TRO: variants seen among roughly 807,000 people sequenced by gnomAD.
TRO encodes MAGE superfamily protein.
Under a neutral mutation model 42.3 loss-of-function variants are expected in TRO, and 29 were observed. That is an observed-to-expected ratio of 0.68 (90% confidence interval 0.51 to 0.93). The LOEUF is 0.93. Among genes scored for constraint, TRO ranks in the 40% least tolerant of loss-of-function variants. The pLI is 0.00. For synonymous variants in TRO, 384 were observed against 425.2 expected (o/e 0.90, Z 1.19); for missense variants, 963 against 1,127.7 (o/e 0.85, Z 2.09).
intron 10 of TRO, 197 bp from the exon 11 acceptor site, chrX:54,927,470 A>C (rs1428339876): frequency 2.5e-5 from 11 of 446,159 alleles, no homozygotes; most frequent in Non-Finnish European, 4.3e-5. Flanking sequence ...TGCTTTGCAC[A>C]GGGCCAGTGG....
intron 12 of TRO, 61 bp downstream of exon 12, chrX:54,931,092 T>C (rs992143705): frequency 8.5e-7 from 1 of 1,175,100 alleles, no homozygotes; most frequent in Non-Finnish European, 1.1e-6. Flanking sequence ...TGGGAGATGT[T>C]GTAAGAAACA....
intron 1 of TRO, chrX:54,921,177 G>A (rs902393605): frequency 1.8e-5 from 2 of 110,591 alleles, no homozygotes; most frequent in African/African-American, 6.6e-5. Context: ...TCCTTCAGAC[G>A]GTAGCAAGAG....
At position 54,929,531 on chromosome X, in the gene TRO, G is replaced by A; in HGVS notation, c.2807G>A (p.Ser936Asn). 6.6e-6 allele frequency: 8 copies of A among 1,212,168 alleles called. No individual in the cohort carries two copies. Among genetic ancestry groups the A allele is most frequent in the Non-Finnish European group, 8.9e-6 (8 of 895,583 alleles). Residue 936 changes from serine (S) to asparagine (N), a missense_variant, in exon 12 of 13, where the codon AGT becomes AAT. Transcript: ENST00000173898. ...GGCTTTGGAGGCACACTTAGCACCA[G>A]TGTCTCCTTTGGTGGCTCTTCCAGC... Reference protein sequence around the residue: ...STGFGGTLSTSVSFGGSSSTS... With the variant: ...STGFGGTLSTNVSFGGSSSTS...
In TRO at chrX:54,930,826, A is replaced by G. The variant is rs1451197327; in HGVS notation, c.4102A>G (p.Ser1368Gly). Residue 1368 changes from serine (S) to glycine (G), a missense_variant, in exon 12 of 13, where the codon AGC becomes GGC. Ser to Gly is a moderately conservative substitution (Grantham distance 56). Coordinates refer to ENST00000173898, the MANE Select transcript of TRO (RefSeq NM_001039705.3). ...SSGPSSIVGF[S>G]GGPSTGVGFC... ...TGGACCCAGTTCTATTGTTGGCTTC[A>G]GCGGTGGACCAAGCACTGGTGTTGG... The G allele has an allele frequency of 8.3e-7, 1 of 1,209,869 alleles. No homozygotes were observed. The highest frequency in any genetic ancestry group is 3.0e-5 in the East Asian group (1 of 33,753).
At chrX:54,921,403 A>G (rs962590081) in intron 1 of TRO, 1 of 110,606 alleles carries the variant, frequency 9.0e-6, no homozygotes, top group Non-Finnish European at 1.9e-5. Context: ...TTGAAAGGGA[A>G]GAGACAGGAC....
In TRO at chrX:54,929,605, G is replaced by A; in HGVS notation, c.2881G>A (p.Gly961Ser). 8.3e-7 allele frequency: 1 copy of A among 1,211,292 alleles called. No homozygotes were observed. The highest frequency in any genetic ancestry group is 1.1e-6 in the Non-Finnish European group (1 of 895,220). The change falls in exon 12 of 13, where the codon GGC becomes AGC. Residue 961 changes from glycine (G) to serine (S), a missense_variant. Physicochemically the swap from Gly to Ser is moderately conservative, Grantham distance 56. Coordinates refer to ENST00000173898, the MANE Select transcript of TRO (RefSeq NM_001039705.3). ...GTLSTSICFD[G>S]SPSTGAGFGG... Reference sequence around the variant, plus strand: ...ACTAAGTACCAGCATCTGCTTTGATGGCTCTCCCAGCACTGGTGCTGGCTT... The same window carrying A: ...ACTAAGTACCAGCATCTGCTTTGATAGCTCTCCCAGCACTGGTGCTGGCTT...
intron 6 of TRO, among the ~76,000 whole-genome samples, 185 bp from the exon 7 acceptor site, chrX:54,925,407 A>G (rs1227101115): frequency 1.8e-5 from 2 of 112,059 alleles, no homozygotes; most frequent in East Asian, 2.8e-4. Flanking sequence ...GTTGATGACA[A>G]TAGTACATTT....
Position 54,928,750 on chromosome X carries a change from G to A in TRO, c.2026G>A (p.Gly676Arg). ...QMGIGEEAVA[G>R]PWNWDDMDID... ...GGGGATTGGAGAGGAAGCTGTGGCTGGGCCCTGGAATTGGGATGACATGGA... is the reference window on the plus strand; with the variant it reads ...GGGGATTGGAGAGGAAGCTGTGGCTAGGCCCTGGAATTGGGATGACATGGA... The change falls in exon 12 of 13, where the codon GGG (glycine) becomes AGG (arginine). Residue 676 changes from glycine (G) to arginine (R), a missense_variant. This residue lies in a region of TRO where 641 missense variants were observed against 811.3 expected (regional missense o/e 0.79). Coordinates refer to ENST00000173898, the MANE Select transcript of TRO (RefSeq NM_001039705.3). 1 of 1,210,508 alleles carries A rather than the reference G, an allele frequency of 8.3e-7. No individual in the cohort carries two copies. The highest frequency in any genetic ancestry group is 1.1e-6 in the Non-Finnish European group (1 of 894,804).
chrX:54,921,388 C>G (rs1932018023), intron 1 of TRO: 1 of 110,458 alleles, frequency 9.1e-6, no homozygotes, highest in Non-Finnish European at 1.9e-5. Flanking sequence ...CCGGTTGGTT[C>G]CGGTTTGAAA....
At position 54,922,628 on chromosome X, in the gene TRO, A is replaced by G. The variant is rs1032511657; in HGVS notation, c.96A>G (p.Ile32Met). 2 of 1,209,143 alleles carry G rather than the reference A, an allele frequency of 1.7e-6. No homozygotes were observed. The highest frequency in any genetic ancestry group is 1.1e-6 in the Non-Finnish European group (1 of 894,930). ...TGGGGCTTCCCTTCCCTCCAGATAT[A>G]CAGACTGAGACCACAGAAGAGGACA... ...GSLGLPFPPD[I>M]QTETTEEDSV... is the part of the protein sequence containing the mutation. Residue 32 changes from isoleucine to methionine, a missense_variant, in exon 3 of 13, where the codon ATA becomes ATG. By Grantham distance (10) the Ile-to-Met change is conservative. Around this residue, in one of 2 missense-constraint regions of TRO, gnomAD observed 322 missense variants for 316.5 expected, o/e 1.02. Coordinates refer to ENST00000173898, the MANE Select transcript of TRO (RefSeq NM_001039705.3).
Position 54,923,797 on chromosome X carries a change from C to G in TRO, c.1236+29C>G, listed in dbSNP as rs139417772. 5 of 1,140,796 alleles carry G rather than the reference C, an allele frequency of 4.4e-6. No individual in the cohort carries two copies. In the African/African-American group the frequency reaches 7.2e-5, roughly 16 times the overall value. 94.0% of individuals were successfully genotyped at this position (1,140,796 alleles called of 1,213,427 possible). Reference sequence around the variant, plus strand: ...AGATCTCTGACATTGCCATCCTTAACTTTGTGCTTCTTTTCCATTTCTACC... The same window carrying G: ...AGATCTCTGACATTGCCATCCTTAAGTTTGTGCTTCTTTTCCATTTCTACC... On this transcript the variant is annotated intron_variant, in intron 3 of 12. Transcript: ENST00000173898.
At position 54,922,659 on chromosome X, in the gene TRO, C is replaced by T; in HGVS notation, c.127C>T (p.Leu43=). The T allele has an allele frequency of 8.3e-7, 1 of 1,211,546 alleles. No individual in the cohort carries two copies. Among genetic ancestry groups the T allele is most frequent in the South Asian group, 1.8e-5 (1 of 56,925 alleles). The change falls in exon 3 of 13, where the codon CTG becomes TTG. Residue 43 remains leucine, a synonymous_variant. Transcript: ENST00000173898. ...QTETTEEDSV[L]LMHTLLAATK... ...TGAGACCACAGAAGAGGACAGTGTC[C>T]TGCTGATGCATACCCTGTTGGCGGC...
intron 7 of TRO, among the ~76,000 whole-genome samples, chrX:54,926,062 G>T (rs1932722697): frequency 8.9e-6 from 1 of 112,396 alleles, no homozygotes; most frequent in Non-Finnish European, 1.9e-5. Flanking sequence ...AAGAGTGTCA[G>T]TGGGGCTGAA....
chrX:54,928,451 G>T, intron 11 of TRO, 152 bp from the exon 12 acceptor site: 1 of 628,829 alleles, frequency 1.6e-6, no homozygotes. Flanking sequence ...TAAGTCAGCA[G>T]AGCTGAAACT....
intron 7 of TRO, 49 bp downstream of exon 7, chrX:54,925,732 G>A: frequency 9.6e-7 from 1 of 1,044,885 alleles, no homozygotes; most frequent in Non-Finnish European, 1.3e-6. Context: ...GCTTTTATCT[G>A]TGCTGCTACC....
At chrX:54,925,823 A>G (rs760741342) in intron 7 of TRO, 140 bp downstream of exon 7, 1 of 493,203 alleles carries the variant, frequency 2.0e-6, no homozygotes, top group Admixed American at 3.7e-5. Context: ...GCACCTGCAC[A>G]TAGTTGGAGC....
chrX:54,924,146 G>A (rs746569757), intron 3 of TRO, among the ~76,000 whole-genome samples: 3 of 112,325 alleles, frequency 2.7e-5, no homozygotes, highest in African/African-American at 9.7e-5. Flanking sequence ...TCAGAGAAAT[G>A]AAGTGACTTG....
rs1238714053 is a variant in TRO at position 54,930,453 on chromosome X, A to G, written c.3729A>G (p.Leu1243=). 3.3e-6 allele frequency: 4 copies of G among 1,201,574 alleles called. No homozygotes were observed. The African/African-American group carries it at 7.4e-5, about 22-fold the overall frequency. ...LSTSSGFDGG[L]GTSAGFGGGP... Reference sequence around the variant, plus strand: ...CAAGTTCTGGCTTTGATGGTGGGCTAGGTACCAGCGCTGGCTTCGGTGGAG... The same window carrying G: ...CAAGTTCTGGCTTTGATGGTGGGCTGGGTACCAGCGCTGGCTTCGGTGGAG... The change falls in exon 12 of 13, where the codon CTA becomes CTG. Residue 1243 remains leucine (L), a synonymous_variant. Transcript: ENST00000173898.
intron 12 of TRO, 51 bp downstream of exon 12, chrX:54,931,082 T>C: frequency 8.5e-7 from 1 of 1,171,594 alleles, no homozygotes; most frequent in Non-Finnish European, 1.1e-6. Context: ...GTACAAGAGC[T>C]GGGAGATGTT....
Sources: allele counts gnomAD v4.1 joint callset (sites outside exome capture counted in the v4.1 genomes callset), GRCh38; gene constraint gnomAD v4.1.1; regional missense constraint gnomAD v4.1.1; transcripts MANE v1.5; gene names NCBI Gene and HGNC (gene_info 2026-07-23, HGNC 2026-07-21).